The following ITGB5 variants were observed in gnomAD, a reference collection of about 807,000 sequenced individuals.
The protein encoded by ITGB5 is integrin beta-5.
A neutral mutation model predicts 84.8 loss-of-function variants in ITGB5; 38 were observed. That is an observed-to-expected ratio of 0.45 (90% CI 0.35 to 0.59). The LOEUF (loss-of-function observed/expected upper bound fraction) is 0.59, where lower values mean the gene tolerates loss of function less well. Ranked by LOEUF, ITGB5 falls within the 20% of genes least tolerant of loss-of-function variation. The pLI is 0.01. For missense variants in ITGB5, 905 were observed against 1,034.5 expected, an observed-to-expected ratio of 0.87 and a Z score of 1.72; for synonymous variants, 393 against 414.4, an observed-to-expected ratio of 0.95 and a Z score of 0.63.
chr3:124,842,396 T>C (rs555257933), intron 4 of ITGB5, among the ~76,000 whole-genome samples: 29 of 152,318 alleles, frequency 1.9e-4, no homozygotes, highest in South Asian at 1.0e-3. Context: ...TTCAGCTTGA[T>C]CTAGAACTAA....
chr3:124,829,040 A>T (rs2064823090), intron 5 of ITGB5, among the ~76,000 whole-genome samples: 1 of 152,240 alleles, frequency 6.6e-6, no homozygotes, highest in Non-Finnish European at 1.5e-5. Context: ...GTATGGGATC[A>T]ATAGTAATTA....
chr3:124,845,076 A>G (rs2065059474), intron 4 of ITGB5, among the ~76,000 whole-genome samples: 2 of 152,258 alleles, frequency 1.3e-5, no homozygotes, highest in Non-Finnish European at 2.9e-5. Flanking sequence ...CAGGTCCAAT[A>G]CACTGACTGG....
intron 11 of ITGB5, among the ~76,000 whole-genome samples, chr3:124,772,262 C>G (rs1214022489): frequency 6.6e-6 from 1 of 152,132 alleles, no homozygotes; most frequent in Non-Finnish European, 1.5e-5. Context: ...CCTTACTCTC[C>G]CCCATCTCCT....
Position 124,766,337 on chromosome 3 carries a change from C to T in ITGB5, c.2026G>A (p.Asp676Asn), listed in dbSNP as rs1229991107. The change falls in exon 13 of 15, where the codon GAC becomes AAC. Residue 676 changes from aspartate (D) to asparagine (N), a missense_variant. By Grantham distance (23) the Asp-to-Asn change is conservative (BLOSUM62 1). Coordinates refer to ENST00000296181, the MANE Select transcript of ITGB5 (RefSeq NM_002213.5). ...TAGAAACATAGCACAGCCTCCTGGT[C>T]ATCTTTCACTGGAAGAAAACCAAGC... is the stretch of plus-strand genomic sequence containing the variant. The part of the protein sequence containing the change: ...ITWVDTIVKD[D>N]QEAVLCFYKT... 1.2e-6 allele frequency: 2 copies of T among 1,613,862 alleles called. No homozygotes were observed. Among genetic ancestry groups the T allele is most frequent in the African/African-American group, 2.7e-5 (2 of 74,936 alleles).
chr3:124,845,038 T>C (rs1293841964), intron 4 of ITGB5, among the ~76,000 whole-genome samples: 2 of 152,200 alleles, frequency 1.3e-5, no homozygotes, highest in African/African-American at 2.4e-5. Context: ...ATAAATTGCA[T>C]GAAAAACAAT....
chr3:124,809,132 A>G lies in ITGB5; in HGVS notation c.1153T>C (p.Ser385Pro), dbSNP rs1454202898. The G allele has an allele frequency of 6.2e-7, 1 of 1,614,018 alleles. No individual in the cohort carries two copies. ...YNSIRSKVEL[S>P]VWDQPEDLNL... ...AGATCCTCAGGCTGATCCCAGACTG[A>G]CAACTCCACTTTAGACCGGATACTC... Residue 385 changes from serine to proline, a missense_variant, in exon 9 of 15, where the codon TCA becomes CCA. Coordinates refer to ENST00000296181, the MANE Select transcript of ITGB5 (RefSeq NM_002213.5).
chr3:124,771,179 G>C (rs1349494364), intron 11 of ITGB5, among the ~76,000 whole-genome samples: 1 of 152,190 alleles, frequency 6.6e-6, no homozygotes, highest in Non-Finnish European at 1.5e-5. Flanking sequence ...GCTCTTGAGA[G>C]CCTGTTAACT....
rs1934812505 is a variant in ITGB5 at position 124,886,454 on chromosome 3, C to T, written c.70+477G>A. ...GCACCCGCTGTTCCAGGAGGCGAGCCCTCCGGAGTGGAGGTGGCCCCGGGC... is the reference window on the plus strand; with the variant it reads ...GCACCCGCTGTTCCAGGAGGCGAGCTCTCCGGAGTGGAGGTGGCCCCGGGC... On this transcript the variant is annotated intron_variant, in intron 1 of 14. Coordinates refer to ENST00000296181, the MANE Select transcript of ITGB5 (RefSeq NM_002213.5). 2.6e-5 allele frequency among the ~76,000 whole-genome samples: 4 copies of T among 152,246 alleles called. No homozygotes were observed. The South Asian group carries it at 8.3e-4, about 32-fold the overall frequency.
At chr3:124,841,346 C>T (rs1157706961) in intron 5 of ITGB5, 37 bp downstream of exon 5, 1 of 1,598,012 alleles carries the variant, frequency 6.3e-7, no homozygotes, top group African/African-American at 1.3e-5. Flanking sequence ...CTACCTTGAC[C>T]TCCCCATGCA....
intron 4 of ITGB5, among the ~76,000 whole-genome samples, chr3:124,844,631 G>A (rs1429653902): frequency 6.6e-6 from 1 of 152,208 alleles, no homozygotes. Context: ...CTTGACTGAG[G>A]CCCTACAGGC....
At position 124,773,751 on chromosome 3, in the gene ITGB5, C is replaced by T. The variant is rs778671946; in HGVS notation, c.1855G>A (p.Gly619Arg). 5 of 1,612,826 alleles carry T rather than the reference C, an allele frequency of 3.1e-6. No individual in the cohort carries two copies. In the African/African-American group the frequency reaches 6.7e-5, roughly 22 times the overall value. The change falls in exon 11 of 15, where the codon GGG becomes AGG. Residue 619 changes from glycine to arginine, a missense_variant. By Grantham distance (125) the Gly-to-Arg change is moderately radical. Transcript: ENST00000296181. ...TTCTCACACATCTCCCCAAAGGCCC[C>T]CGGCTCCGTGCATTGGCACTGCCCA... ...LCGQCQCTEPGAFGEMCEKCP... is the reference protein window; with the variant it reads ...LCGQCQCTEPRAFGEMCEKCP...
intron 2 of ITGB5, chr3:124,862,247 G>C (rs147038162): frequency 2.0e-5 from 3 of 152,478 alleles, no homozygotes; most frequent in African/African-American, 7.2e-5. Context: ...CACCACCAGG[G>C]TGGCAACGGA....
chr3:124,813,888 A>G (rs1200064003), intron 8 of ITGB5, among the ~76,000 whole-genome samples: 3 of 151,972 alleles, frequency 2.0e-5, no homozygotes, highest in Admixed American at 2.0e-4. Flanking sequence ...GAAAGTTCCA[A>G]CCCTCTAATC....
upstream of ITGB5, among the ~76,000 whole-genome samples, chr3:124,891,275 A>G (rs540352847): frequency 6.6e-6 from 1 of 152,354 alleles, no homozygotes; most frequent in South Asian, 2.1e-4. Flanking sequence ...ACCAAGGTTC[A>G]TAGCAGCATT....
chr3:124,819,667 G>A (rs1431563819), intron 7 of ITGB5, 72 bp downstream of exon 7: 4 of 1,062,768 alleles, frequency 3.8e-6, no homozygotes, highest in Non-Finnish European at 5.9e-6. Flanking sequence ...CCCCCAGATA[G>A]GCAGAGTTGT....
At chr3:124,858,795 A>T (rs1225753758) in intron 3 of ITGB5, among the ~76,000 whole-genome samples, 1 of 152,240 alleles carries the variant, frequency 6.6e-6, no homozygotes, top group Admixed American at 6.5e-5. Flanking sequence ...AACAAAAATA[A>T]ATGAAAAATA....
At chr3:124,816,066 T>C (rs536899796) in intron 8 of ITGB5, among the ~76,000 whole-genome samples, 1 of 152,088 alleles carries the variant, frequency 6.6e-6, no homozygotes, top group Non-Finnish European at 1.5e-5. Context: ...TATCTGAATC[T>C]GTGAGAGCAA....
Position 124,848,357 on chromosome 3 carries a change from G to C in ITGB5, c.563C>G (p.Ser188Cys). ...CCTCGGTGCCGTGTAGGAGAAAGGA[G>C]AGATGTCCTTATCAACAAAAGACCC... ...GFGSFVDKDI[S>C]PFSYTAPRYQ... Residue 188 changes from serine (S) to cysteine (C), a missense_variant, in exon 4 of 15, where the codon TCT becomes TGT. By Grantham distance (112) the Ser-to-Cys change is moderately radical. This residue lies in a region of ITGB5 where 656 missense variants were observed against 734.7 expected (regional missense o/e 0.89). Transcript: ENST00000296181. The C allele has an allele frequency of 6.2e-7, 1 of 1,614,186 alleles. No homozygotes were observed. Among genetic ancestry groups the C allele is most frequent in the Non-Finnish European group, 8.5e-7 (1 of 1,180,042 alleles).
At chr3:124,858,900 G>A (rs947485634) in intron 3 of ITGB5, among the ~76,000 whole-genome samples, 37 of 152,208 alleles carry the variant, frequency 2.4e-4, no homozygotes, top group East Asian at 1.9e-4. Context: ...TTAGGACGAC[G>A]AAAATGTTCC....
Sources: gnomAD v4.1 joint callset for allele counts (sites outside exome capture counted in the v4.1 genomes callset) on GRCh38, gnomAD v4.1.1 for gene constraint, gnomAD v4.1.1 regional missense constraint, MANE v1.5 for transcripts, NCBI Gene and HGNC (gene_info 2026-07-23, HGNC 2026-07-21) for gene names.